The following STS variants were observed in gnomAD, a reference collection of about 807,000 sequenced individuals.
STS encodes steroid sulfatase.
A neutral mutation model predicts 26.8 loss-of-function variants in STS; 7 were observed. The observed-to-expected ratio is 0.26, with a 90% CI of 0.15 to 0.49. The LOEUF is 0.49. Ranked by LOEUF, STS falls within the 20% of genes least tolerant of loss-of-function variation. STS has a pLI of 0.98. For missense variants in STS, 434 were observed against 465.6 expected, an observed-to-expected ratio of 0.93 and a Z score of 0.63; for synonymous variants, 199 against 189.4, an observed-to-expected ratio of 1.05 and a Z score of -0.42.
intron 9 of STS, among the ~76,000 whole-genome samples, chrX:7,328,959 G>A (rs1226206046): frequency 9.0e-6 from 1 of 111,649 alleles, no homozygotes; most frequent in Non-Finnish European, 1.9e-5. Context: ...GCCTCCCAGA[G>A]TGTTGGGATT....
In STS at chrX:7,180,880, A is replaced by G. The variant is rs764899859; in HGVS notation, c.-133-10000A>G. Among the ~76,000 whole-genome samples, 13 of 112,499 alleles carry G rather than the reference A, an allele frequency of 1.2e-4. No individual in the cohort carries two copies. In the South Asian group the frequency reaches 4.8e-3, roughly 41 times the overall value. On this transcript the variant is annotated intron_variant, in intron 1 of 10. Coordinates refer to ENST00000674429, the MANE Select transcript of STS (RefSeq NM_001320752.2). The stretch of plus-strand genomic sequence containing the variant: ...TAAAATCCACACTCAAAAGTTGACA[A>G]ACTGTCCTCATAAGTCAGACACCAC...
At chrX:7,264,508 G>C (rs746216321) in intron 6 of STS, among the ~76,000 whole-genome samples, 1 of 111,830 alleles carries the variant, frequency 8.9e-6, no homozygotes, top group Non-Finnish European at 1.9e-5. Context: ...GTATGGTGGC[G>C]TATAATGTAG....
chrX:7,204,107 C>G (rs1225497794), intron 2 of STS, among the ~76,000 whole-genome samples: 3 of 111,963 alleles, frequency 2.7e-5, no homozygotes, highest in Admixed American at 9.5e-5. Context: ...CACATTTGTG[C>G]TGATGTTGCC....
intron 8 of STS, among the ~76,000 whole-genome samples, chrX:7,325,066 C>G (rs1275735069): frequency 1.8e-5 from 2 of 111,761 alleles, no homozygotes; most frequent in Admixed American, 1.9e-4. Context: ...TTTGGTGACT[C>G]AAATCTTTGT....
At chrX:7,254,355 T>C (rs930978294) in intron 3 of STS, among the ~76,000 whole-genome samples, 2 of 111,341 alleles carry the variant, frequency 1.8e-5, no homozygotes, top group African/African-American at 3.3e-5. Flanking sequence ...AGACCTATTT[T>C]AAGGACCCTT....
At chrX:7,314,032 G>A (rs1043509983) in intron 8 of STS, among the ~76,000 whole-genome samples, 3 of 111,074 alleles carry the variant, frequency 2.7e-5, no homozygotes, top group African/African-American at 9.8e-5. Flanking sequence ...ATACTTATGG[G>A]GAGCGAAAAA....
chrX:7,306,821 A>G (rs1926238094), intron 8 of STS, among the ~76,000 whole-genome samples: 2 of 111,803 alleles, frequency 1.8e-5, no homozygotes, highest in Non-Finnish European at 3.8e-5. Flanking sequence ...CTCTTTTGTC[A>G]TGCTGGAAAG....
At chrX:7,166,806 T>C (rs1471293220) in intron 1 of STS, among the ~76,000 whole-genome samples, 1 of 111,748 alleles carries the variant, frequency 8.9e-6, no homozygotes, top group Non-Finnish European at 1.9e-5. Context: ...CCAGGAACGG[T>C]TGTCTTCAAG....
At chrX:7,339,339 A>G (rs908385533) in intron 10 of STS, among the ~76,000 whole-genome samples, 1 of 112,422 alleles carries the variant, frequency 8.9e-6, no homozygotes, top group Non-Finnish European at 1.9e-5. Context: ...ACCAGGATCT[A>G]TCCTGTGTTT....
chrX:7,210,311 G>A (rs1295110501), intron 2 of STS, among the ~76,000 whole-genome samples: 5 of 110,428 alleles, frequency 4.5e-5, no homozygotes, highest in African/African-American at 6.6e-5. Context: ...TTTAACAATC[G>A]CCATTCCGAC....
chrX:7,278,691 C>A (rs1490081560), intron 7 of STS, among the ~76,000 whole-genome samples: 1 of 111,583 alleles, frequency 9.0e-6, no homozygotes, highest in African/African-American at 3.3e-5. Flanking sequence ...TCAGTACAAC[C>A]ACACAAGGGC....
chrX:7,154,233 C>G (rs1933087847), intron 1 of STS, among the ~76,000 whole-genome samples: 1 of 112,143 alleles, frequency 8.9e-6, no homozygotes, highest in South Asian at 3.7e-4. Context: ...AATGCCATCT[C>G]TAATGTGCGC....
intron 2 of STS, among the ~76,000 whole-genome samples, chrX:7,215,166 A>T: frequency 9.9e-6 from 1 of 100,568 alleles, no homozygotes; most frequent in African/African-American, 3.8e-5. Context: ...TACACACCAC[A>T]GTTTCTTTAT....
At chrX:7,203,004 CTCTT>C (rs1934102780) in intron 2 of STS, among the ~76,000 whole-genome samples, 2 of 111,061 alleles carry the variant, frequency 1.8e-5, no homozygotes, top group Admixed American at 9.6e-5. Flanking sequence ...CTTCATCTCT[CTCTT>C]TCTTTCCCTG....
intron 8 of STS, among the ~76,000 whole-genome samples, chrX:7,322,345 G>A (rs1441913701): frequency 2.7e-5 from 3 of 111,594 alleles, no homozygotes; most frequent in Non-Finnish European, 3.8e-5. Flanking sequence ...TTCCTGGATC[G>A]GACAACGGAG....
intron 2 of STS, among the ~76,000 whole-genome samples, chrX:7,203,705 A>G (rs1419499292): frequency 4.5e-5 from 5 of 111,500 alleles, no homozygotes; most frequent in Non-Finnish European, 9.4e-5. Context: ...AAATTATATC[A>G]TCATTCTTTC....
At chrX:7,166,670 G>A (rs1933356732) in intron 1 of STS, among the ~76,000 whole-genome samples, 1 of 111,883 alleles carries the variant, frequency 8.9e-6, no homozygotes, top group African/African-American at 3.3e-5. Flanking sequence ...GAGCTTGCAG[G>A]TTGCATGACT....
At chrX:7,343,369 T>C in intron 10 of STS, among the ~76,000 whole-genome samples, 1 of 112,289 alleles carries the variant, frequency 8.9e-6, no homozygotes, top group East Asian at 2.8e-4. Context: ...AGCAACAGAT[T>C]GAAGGGCAGA....
At chrX:7,253,087 G>A in intron 2 of STS, 109 bp from the exon 3 acceptor site, 1 of 930,702 alleles carries the variant, frequency 1.1e-6, no homozygotes, top group Non-Finnish European at 1.5e-6. Context: ...GGACTTCAAG[G>A]TTGCAGTGAG....
Sources: allele counts gnomAD v4.1 joint callset (sites outside exome capture counted in the v4.1 genomes callset), GRCh38; gene constraint gnomAD v4.1.1; transcripts MANE v1.5; gene names NCBI Gene and HGNC (gene_info 2026-07-23, HGNC 2026-07-21).